The following NWD1 variants were observed in gnomAD, a reference collection of about 807,000 sequenced individuals.
NWD1 encodes NACHT and WD repeat domain containing 1.
In NWD1, 129 loss-of-function variants were observed where a neutral mutation model predicts 135.1. The ratio of observed to expected loss-of-function variants is 0.96; its 90% CI spans 0.83 to 1.11. NWD1 has a LOEUF of 1.11. Among genes scored for constraint, NWD1 ranks in the 50% least tolerant of loss-of-function variants. The probability of loss-of-function intolerance (pLI) is 0.00; values close to 1 mark genes in which losing one functional copy is unlikely to be tolerated. For synonymous variants in NWD1, 773 were observed against 786.0 expected (o/e 0.98, Z 0.28); for missense variants, 1,740 against 1,851.3 (o/e 0.94, Z 1.10).
At chr19:16,730,171 A>C (rs551854415) in intron 2 of NWD1, among the ~76,000 whole-genome samples, 44 of 151,786 alleles carry the variant, frequency 2.9e-4, no homozygotes, top group African/African-American at 8.7e-4. Context: ...AAACACAAAA[A>C]ATTAGCCAGG....
intron 13 of NWD1, among the ~76,000 whole-genome samples, chr19:16,790,638 A>AAAAAAAAT (rs893745967): frequency 1.8e-5 from 1 of 56,938 alleles, no homozygotes; most frequent in Non-Finnish European, 4.4e-5. Context: ...ACATTAAAAA[A>AAAAAAAAT]AAATAAATAA....
chr19:16,792,923 T>A (rs570735022), intron 14 of NWD1, among the ~76,000 whole-genome samples: 1 of 147,670 alleles, frequency 6.8e-6, no homozygotes, highest in Admixed American at 6.8e-5. Flanking sequence ...TGCATACTTG[T>A]ACTCCCAGCT....
chr19:16,725,676 C>A (rs1218050921), intron 2 of NWD1, among the ~76,000 whole-genome samples: 3 of 151,896 alleles, frequency 2.0e-5, no homozygotes, highest in Non-Finnish European at 4.4e-5. Context: ...CCTCAGCCTC[C>A]CAAGTAGCTG....
intron 3 of NWD1, among the ~76,000 whole-genome samples, chr19:16,733,901 A>G (rs1196543205): frequency 6.6e-6 from 1 of 151,282 alleles, no homozygotes; most frequent in East Asian, 1.9e-4. Flanking sequence ...TTCTTCCTCC[A>G]GTCACATTGA....
chr19:16,775,770 C>T (rs1969577758), intron 11 of NWD1, among the ~76,000 whole-genome samples: 1 of 152,170 alleles, frequency 6.6e-6, no homozygotes, highest in Non-Finnish European at 1.5e-5. Context: ...CAGATTCAAG[C>T]CATTTTCCTG....
At chr19:16,745,242 G>A in intron 5 of NWD1, 2 of 344,104 alleles carry the variant, frequency 5.8e-6, no homozygotes, top group South Asian at 4.3e-5. Context: ...CAGTATGGGG[G>A]AAACTATCCC....
chr19:16,736,487 T>C, intron 3 of NWD1, 147 bp from the exon 4 acceptor site: 1 of 621,592 alleles, frequency 1.6e-6, no homozygotes, highest in Non-Finnish European at 2.9e-6. Context: ...ATGAATTTGG[T>C]TCAAGTTCTT....
At chr19:16,798,990 G>A (rs1320055968) in intron 16 of NWD1, among the ~76,000 whole-genome samples, 2 of 150,508 alleles carry the variant, frequency 1.3e-5, no homozygotes, top group African/African-American at 4.9e-5. Context: ...TCTAAAAAAG[G>A]TTTACAGGGC....
intron 1 of NWD1, among the ~76,000 whole-genome samples, chr19:16,723,568 T>C (rs1415498683): frequency 6.6e-6 from 1 of 152,128 alleles, no homozygotes; most frequent in East Asian, 1.9e-4. Flanking sequence ...CACCTCAGCC[T>C]CTCAAAGTGC....
At chr19:16,774,597 A>G (rs1969534769) in intron 11 of NWD1, among the ~76,000 whole-genome samples, 1 of 147,476 alleles carries the variant, frequency 6.8e-6, no homozygotes, top group African/African-American at 2.5e-5. Context: ...CCTTTTCATT[A>G]ATCTATCCAT....
intron 18 of NWD1, among the ~76,000 whole-genome samples, chr19:16,808,507 G>A (rs889667203): frequency 2.6e-5 from 4 of 151,636 alleles, no homozygotes; most frequent in East Asian, 1.9e-4. Context: ...CCAAGATCAC[G>A]CCACTGCACT....
intron 4 of NWD1, chr19:16,738,209 T>G: frequency 2.2e-6 from 1 of 454,694 alleles, no homozygotes; most frequent in Non-Finnish European, 4.4e-6. Flanking sequence ...AAGTATTGAC[T>G]GTCTGACTTT....
chr19:16,790,436 G>T (rs958163624), intron 13 of NWD1, among the ~76,000 whole-genome samples: 2 of 151,368 alleles, frequency 1.3e-5, no homozygotes, highest in African/African-American at 4.9e-5. Flanking sequence ...TCACCAACCA[G>T]ATGTACCTAT....
intron 10 of NWD1, among the ~76,000 whole-genome samples, chr19:16,769,474 G>C (rs1969340596): frequency 6.7e-6 from 1 of 149,870 alleles, no homozygotes; most frequent in African/African-American, 2.5e-5. Context: ...AAAAAAAAGA[G>C]CCCAAATCTC....
intron 12 of NWD1, among the ~76,000 whole-genome samples, chr19:16,781,634 A>G (rs1256454400): frequency 6.6e-6 from 1 of 152,068 alleles, no homozygotes; most frequent in African/African-American, 2.4e-5. Context: ...AAGCAAGACT[A>G]CATTTATTTG....
intron 10 of NWD1, among the ~76,000 whole-genome samples, chr19:16,769,816 T>C (rs1388865340): frequency 6.6e-6 from 1 of 152,228 alleles, no homozygotes; most frequent in Non-Finnish European, 1.5e-5. Flanking sequence ...TGCACCCTGT[T>C]TTCCATCTGT....
At chr19:16,785,129 G>A (rs1969995218) in intron 12 of NWD1, among the ~76,000 whole-genome samples, 1 of 152,012 alleles carries the variant, frequency 6.6e-6, no homozygotes, top group African/African-American at 2.4e-5. Context: ...CTCCTTCTGG[G>A]GGGTTGCGAA....
intron 17 of NWD1, among the ~76,000 whole-genome samples, chr19:16,802,393 G>A (rs945600060): frequency 6.7e-6 from 1 of 149,740 alleles, no homozygotes; most frequent in African/African-American, 2.5e-5. Context: ...CCAGGAATTT[G>A]AGGCTGCAGT....
At chr19:16,788,467 G>C (rs140031541) in intron 12 of NWD1, among the ~76,000 whole-genome samples, 3,302 of 150,580 alleles carry the variant, frequency 0.022, 49 homozygotes, top group Non-Finnish European at 0.032. Context: ...TACATGGGAG[G>C]CTGAGGCACG....
Sources: gnomAD v4.1 joint callset for allele counts (sites outside exome capture counted in the v4.1 genomes callset) on GRCh38, gnomAD v4.1.1 for gene constraint, MANE v1.5 for transcripts, NCBI Gene and HGNC (gene_info 2026-07-23, HGNC 2026-07-21) for gene names.